Variants in CNOT6 observed in about 807,000 individuals in gnomAD.
CNOT6 encodes the protein carbon catabolite repression 4 protein.
In CNOT6, 12 loss-of-function variants were observed where a neutral mutation model predicts 61.2. The observed-to-expected ratio is 0.20, with a 90% CI of 0.13 to 0.32. The LOEUF is 0.32. Ranked by LOEUF, CNOT6 falls within the 10% of genes least tolerant of loss-of-function variation. The pLI is 1.00. For synonymous variants in CNOT6, 225 were observed against 240.6 expected (o/e 0.94, Z 0.60); for missense variants, 405 against 663.9 (o/e 0.61, Z 4.28).
At chr5:180,526,018 G>C (rs1013612025) in intron 1 of CNOT6, among the ~76,000 whole-genome samples, 1 of 152,146 alleles carries the variant, frequency 6.6e-6, no homozygotes, top group Non-Finnish European at 1.5e-5. Context: ...CTGCAGCTTT[G>C]AACTCCTGGA....
chr5:180,520,030 C>CACCATGTCTCT (rs1757813381), intron 1 of CNOT6, among the ~76,000 whole-genome samples: 1 of 151,960 alleles, frequency 6.6e-6, no homozygotes, highest in African/African-American at 2.4e-5. Context: ...GACAAGGTTT[C>CACCATGTCTCT]ACCATGTTGG....
intron 2 of CNOT6, among the ~76,000 whole-genome samples, chr5:180,532,113 T>G (rs1223768918): frequency 6.6e-6 from 1 of 152,248 alleles, no homozygotes; most frequent in Non-Finnish European, 1.5e-5. Context: ...AGATTTGGCT[T>G]TCTGTGCCAG....
Position 180,571,340 on chromosome 5 carries a change from A to G in CNOT6, c.1369A>G (p.Thr457Ala). ...TNFSCHGKNGTTNGRITHGFK... is the reference protein window; with the variant it reads ...TNFSCHGKNGATNGRITHGFK... ...CTTCAGCTGTCATGGGAAGAATGGA[A>G]CCACCAATGGAAGGATCACTCATGG... The change falls in exon 11 of 12, where the codon ACC (threonine) becomes GCC (alanine). Residue 457 changes from threonine (T) to alanine (A), a missense_variant. Coordinates refer to ENST00000261951, the MANE Select transcript of CNOT6 (RefSeq NM_001370472.1). The G allele has an allele frequency of 2.5e-6, 4 of 1,614,094 alleles. No individual in the cohort carries two copies. Among genetic ancestry groups the G allele is most frequent in the Non-Finnish European group, 3.4e-6 (4 of 1,179,924 alleles).
At chr5:180,552,412 C>T (rs567047669) in intron 3 of CNOT6, among the ~76,000 whole-genome samples, 75 of 151,762 alleles carry the variant, frequency 4.9e-4, no homozygotes, top group Admixed American at 1.6e-3. Context: ...GAGGCCGAGG[C>T]GGGCGGATCA....
At chr5:180,553,546 G>C (rs1759722767) in intron 4 of CNOT6, 75 bp downstream of exon 4, 4 of 1,087,422 alleles carry the variant, frequency 3.7e-6, no homozygotes, top group Non-Finnish European at 5.5e-6. Context: ...GAAGCTTTCT[G>C]CTAGGGGATT....
Position 180,574,771 on chromosome 5 carries a change from G to T in CNOT6, c.*571G>T, listed in dbSNP as rs532052648. 6.5e-6 allele frequency: 1 copy of T among 153,608 alleles called. No homozygotes were observed. The highest frequency in any genetic ancestry group is 2.1e-4 in the South Asian group (1 of 4,864). The allele number at this position is 153,608 out of a possible 1,614,324, so 9.5% of individuals were successfully genotyped here. On this transcript the variant is annotated 3_prime_UTR_variant, in exon 12 of 12. Transcript: ENST00000261951. Reference sequence around the variant, plus strand: ...TAAACCTGTTTCATGTGTTATAAAGGCCAGCTTGTAAAAGAAGCTGCAACA... The same window carrying T: ...TAAACCTGTTTCATGTGTTATAAAGTCCAGCTTGTAAAAGAAGCTGCAACA...
At chr5:180,570,673 A>G (rs1223521737) in intron 10 of CNOT6, among the ~76,000 whole-genome samples, 1 of 152,244 alleles carries the variant, frequency 6.6e-6, no homozygotes. Flanking sequence ...CTAATTTGTG[A>G]ATAAAATGTA....
intron 1 of CNOT6, among the ~76,000 whole-genome samples, chr5:180,519,572 A>G (rs1757792011): frequency 6.6e-6 from 1 of 152,206 alleles, no homozygotes; most frequent in African/African-American, 2.4e-5. Context: ...TACACCTTAA[A>G]TGTATAATTT....
At chr5:180,566,128 T>G (rs1581568828) in intron 7 of CNOT6, 151 bp downstream of exon 7, 1 of 731,764 alleles carries the variant, frequency 1.4e-6, no homozygotes, top group East Asian at 2.8e-5. Context: ...TACTGCCTGC[T>G]TTGCTTTGCA....
intron 2 of CNOT6, among the ~76,000 whole-genome samples, chr5:180,530,997 CTCTT>C (rs1248682588): frequency 1.6e-5 from 2 of 127,914 alleles, no homozygotes; most frequent in Admixed American, 7.8e-5. Flanking sequence ...AATCTGATCT[CTCTT>C]TCTTTTCCCC....
intron 4 of CNOT6, among the ~76,000 whole-genome samples, chr5:180,560,690 T>C (rs1274389007): frequency 1.3e-5 from 2 of 152,222 alleles, no homozygotes; most frequent in East Asian, 3.8e-4. Flanking sequence ...TTATGATGTG[T>C]CTTGCTGTGG....
chr5:180,547,708 C>T (rs910014861), intron 2 of CNOT6, among the ~76,000 whole-genome samples: 12 of 151,976 alleles, frequency 7.9e-5, no homozygotes, highest in African/African-American at 2.7e-4. Context: ...ATGAAATTTT[C>T]ATACGTTTGA....
rs1336729019 is a variant in CNOT6 at position 180,508,816 on chromosome 5, A to T, written c.-3+14053A>T. Among the ~76,000 whole-genome samples the T allele has an allele frequency of 5.3e-5, 6 of 113,100 alleles. No individual in the cohort carries two copies. The East Asian group carries it at 1.4e-3, about 26-fold the overall frequency. 74.2% of individuals were successfully genotyped at this position (113,100 alleles called of 152,430 possible). ...GTATCTTATTTTAATTAATTAATTA[A>T]TTTTATTATTATTATTATTTTTTTT... On this transcript the variant is annotated intron_variant, in intron 1 of 11. Coordinates refer to ENST00000261951, the MANE Select transcript of CNOT6 (RefSeq NM_001370472.1).
intron 2 of CNOT6, among the ~76,000 whole-genome samples, chr5:180,538,312 G>T (rs376604073): frequency 6.6e-6 from 1 of 151,364 alleles, no homozygotes; most frequent in Non-Finnish European, 1.5e-5. Context: ...GTGCTGGGAT[G>T]ACAGGCGTGA....
chr5:180,564,501 C>T lies in CNOT6; in HGVS notation c.398C>T (p.Thr133Ile), dbSNP rs751078421. Residue 133 changes from threonine (T) to isoleucine (I), a missense_variant, in exon 5 of 12, where the codon ACC becomes ATC. Thr to Ile is a moderately conservative substitution (Grantham distance 89). This residue lies in a region of CNOT6 where 212 missense variants were observed against 307.1 expected (regional missense o/e 0.69). Transcript: ENST00000261951. Reference sequence around the variant, plus strand: ...AAAATATTTCCAGGAAATCCCCTTACCCAGGATATATTGAACCTTTATCAG... The same window carrying T: ...AAAATATTTCCAGGAAATCCCCTTATCCAGGATATATTGAACCTTTATCAG... ...QTLGLKGNPL[T>I]QDILNLYQEP... The T allele has an allele frequency of 8.1e-6, 13 of 1,610,178 alleles. No homozygotes were observed. In the African/African-American group the frequency reaches 1.2e-4, roughly 15 times the overall value.
intron 4 of CNOT6, among the ~76,000 whole-genome samples, chr5:180,559,112 C>A (rs1228891012): frequency 1.3e-5 from 2 of 152,118 alleles, no homozygotes; most frequent in Non-Finnish European, 2.9e-5. Flanking sequence ...GTAGAATGTT[C>A]TATAAATATC....
intron 1 of CNOT6, among the ~76,000 whole-genome samples, chr5:180,501,735 A>G (rs893024839): frequency 6.6e-6 from 1 of 152,246 alleles, no homozygotes; most frequent in African/African-American, 2.4e-5. Context: ...GGAACAGCTA[A>G]TATTTTGTTT....
intron 1 of CNOT6, among the ~76,000 whole-genome samples, chr5:180,510,965 C>T (rs925144429): frequency 6.6e-6 from 1 of 151,948 alleles, no homozygotes; most frequent in Non-Finnish European, 1.5e-5. Context: ...CCACCATTCC[C>T]GGCTAATTTT....
chr5:180,545,811 G>C (rs546258205), intron 2 of CNOT6, among the ~76,000 whole-genome samples: 1 of 152,256 alleles, frequency 6.6e-6, no homozygotes, highest in Admixed American at 6.5e-5. Flanking sequence ...CCTACTAGAT[G>C]TCTTTGATCC....
Sources: allele counts gnomAD v4.1 joint callset (sites outside exome capture counted in the v4.1 genomes callset), GRCh38; gene constraint gnomAD v4.1.1; regional missense constraint gnomAD v4.1.1; transcripts MANE v1.5; gene names NCBI Gene and HGNC (gene_info 2026-07-23, HGNC 2026-07-21).